The following SLIT3 variants were observed in gnomAD, a reference collection of about 807,000 sequenced individuals.
SLIT3 encodes the protein slit guidance ligand 3, also known as slit homolog 3 protein.
SLIT3 carries 68 observed loss-of-function variants against 184.0 expected under a neutral mutation model. The observed-to-expected ratio is 0.37, with a 90% CI of 0.30 to 0.45. The LOEUF is 0.45. Among genes scored for constraint, SLIT3 ranks in the 20% least tolerant of loss-of-function variants. The pLI is 1.00. For missense variants in SLIT3, 1,707 were observed against 2,026.0 expected (o/e 0.84, Z 3.02); for synonymous variants, 831 against 828.6 (o/e 1.00, Z -0.05).
At chr5:169,083,999 C>T (rs989230010) in intron 4 of SLIT3, among the ~76,000 whole-genome samples, 2 of 152,196 alleles carry the variant, frequency 1.3e-5, no homozygotes, top group Admixed American at 1.3e-4. Context: ...GCAGTCTCCA[C>T]CTTACCAGTG....
At chr5:168,752,265 C>T (rs956384445) in intron 18 of SLIT3, 1 of 152,600 alleles carries the variant, frequency 6.6e-6, no homozygotes, top group African/African-American at 2.4e-5. Flanking sequence ...TCTGTTGCGA[C>T]CAACCACAGG....
chr5:168,999,393 T>A (rs187374140), intron 4 of SLIT3, among the ~76,000 whole-genome samples: 1 of 151,542 alleles, frequency 6.6e-6, no homozygotes, highest in African/African-American at 2.4e-5. Flanking sequence ...ACAGTAATAA[T>A]TACCCCCATC....
chr5:169,105,645 G>T (rs967106963), intron 4 of SLIT3, among the ~76,000 whole-genome samples: 2 of 152,198 alleles, frequency 1.3e-5, no homozygotes, highest in Admixed American at 1.3e-4. Flanking sequence ...GGAGCAAGTA[G>T]AAAGATCAAG....
At chr5:169,166,229 C>G (rs34099192) in intron 4 of SLIT3, among the ~76,000 whole-genome samples, 1 of 151,960 alleles carries the variant, frequency 6.6e-6, no homozygotes, top group Non-Finnish European at 1.5e-5. Context: ...AAGACTCCCC[C>G]CAAAGTTCTT....
At chr5:168,948,665 C>T (rs552067116) in intron 4 of SLIT3, among the ~76,000 whole-genome samples, 1 of 152,182 alleles carries the variant, frequency 6.6e-6, no homozygotes, top group Non-Finnish European at 1.5e-5. Context: ...TTTGTCTCAG[C>T]AGCTCTTGCT....
At chr5:168,883,740 C>T (rs1228694701) in intron 4 of SLIT3, among the ~76,000 whole-genome samples, 2 of 149,778 alleles carry the variant, frequency 1.3e-5, no homozygotes, top group African/African-American at 4.9e-5. Context: ...GCTCAATCTC[C>T]CATCTCTCAG....
intron 4 of SLIT3, among the ~76,000 whole-genome samples, chr5:168,928,759 C>T (rs1761903991): frequency 6.6e-6 from 1 of 152,278 alleles, no homozygotes; most frequent in African/African-American, 2.4e-5. Flanking sequence ...CTTAAAATAG[C>T]ACTTTTAGAG....
chr5:168,674,451 C>T (rs962670361), intron 32 of SLIT3, among the ~76,000 whole-genome samples: 1 of 151,014 alleles, frequency 6.6e-6, no homozygotes, highest in Non-Finnish European at 1.5e-5. Flanking sequence ...AAGTATTCAA[C>T]ACTTTGGGTC....
chr5:169,027,370 A>G (rs2113510783), intron 4 of SLIT3, among the ~76,000 whole-genome samples: 1 of 152,258 alleles, frequency 6.6e-6, no homozygotes, highest in African/African-American at 2.4e-5. Context: ...CCTTTTGAAA[A>G]GACACTTCCT....
chr5:169,053,964 G>A lies in SLIT3; in HGVS notation c.413+139515C>T, dbSNP rs897076994. The stretch of plus-strand genomic sequence containing the variant: ...AAGTTAGCCAGGCCTGGTGGCGCAC[G>A]CCTGTAATCCCAGCTACTCGGGAAG... On this transcript the variant is annotated intron_variant, in intron 4 of 35. Coordinates refer to ENST00000519560, the MANE Select transcript of SLIT3 (RefSeq NM_003062.4). 1.4e-4 allele frequency among the ~76,000 whole-genome samples: 22 copies of A among 152,078 alleles called. No individual in the cohort carries two copies. The East Asian group carries it at 2.9e-3, about 20-fold the overall frequency.
chr5:168,850,672 G>A (rs1258110622), intron 5 of SLIT3, among the ~76,000 whole-genome samples: 1 of 152,186 alleles, frequency 6.6e-6, no homozygotes, highest in Non-Finnish European at 1.5e-5. Flanking sequence ...GTTGGAAATT[G>A]AACAAGTCTA....
chr5:168,950,903 T>C (rs1169904232), intron 4 of SLIT3, among the ~76,000 whole-genome samples: 2 of 152,192 alleles, frequency 1.3e-5, no homozygotes, highest in African/African-American at 4.8e-5. Context: ...GCCTTCACAA[T>C]TCGATATATA....
At chr5:168,780,815 T>C (rs2113561408) in intron 12 of SLIT3, among the ~76,000 whole-genome samples, 1 of 152,322 alleles carries the variant, frequency 6.6e-6, no homozygotes, top group South Asian at 2.1e-4. Context: ...TATCATCCTT[T>C]CCCTATAAAA....
At chr5:169,167,530 C>A (rs991315814) in intron 4 of SLIT3, among the ~76,000 whole-genome samples, 1 of 151,992 alleles carries the variant, frequency 6.6e-6, no homozygotes, top group African/African-American at 2.4e-5. Flanking sequence ...CTTACATCGG[C>A]CTCCCAAAGT....
chr5:169,018,405 C>T (rs562387585), intron 4 of SLIT3: 1 of 152,280 alleles, frequency 6.6e-6, no homozygotes, highest in East Asian at 1.9e-4. Context: ...AGGTGAGCTG[C>T]TCAGTTGCCA....
chr5:168,714,073 C>A (rs1460768423), intron 23 of SLIT3, among the ~76,000 whole-genome samples: 1 of 152,186 alleles, frequency 6.6e-6, no homozygotes, highest in Admixed American at 6.5e-5. Flanking sequence ...GAAAGTGAGC[C>A]TCAGTGCTTA....
chr5:168,769,886 G>C (rs1231238845), intron 14 of SLIT3, among the ~76,000 whole-genome samples: 1 of 152,184 alleles, frequency 6.6e-6, no homozygotes, highest in Non-Finnish European at 1.5e-5. Context: ...TTTTTCTGCT[G>C]TGTGGACCTC....
At chr5:169,075,057 G>A (rs1028717574) in intron 4 of SLIT3, among the ~76,000 whole-genome samples, 2 of 152,058 alleles carry the variant, frequency 1.3e-5, no homozygotes, top group Admixed American at 1.3e-4. Context: ...ATCACAGAAG[G>A]CCAACTGTCA....
At chr5:168,956,750 G>A (rs62377218) in intron 4 of SLIT3, among the ~76,000 whole-genome samples, 5,830 of 152,012 alleles carry the variant, frequency 0.038, 157 homozygotes, top group Middle Eastern at 0.061. Flanking sequence ...CCGAGATAGC[G>A]CCACTGCACT....
Sources: gnomAD v4.1 joint callset for allele counts (sites outside exome capture counted in the v4.1 genomes callset) on GRCh38, gnomAD v4.1.1 for gene constraint, MANE v1.5 for transcripts, NCBI Gene and HGNC (gene_info 2026-07-23, HGNC 2026-07-21) for gene names.